Variants in TBL1XR1 observed in about 807,000 individuals in gnomAD.
TBL1XR1 encodes TBL1X/Y related 1, also known as F-box-like/WD repeat-containing protein TBL1XR1.
TBL1XR1 carries 5 observed loss-of-function variants against 66.9 expected under a neutral mutation model. The ratio of observed to expected loss-of-function variants is 0.07; its 90% CI spans 0.04 to 0.16. The LOEUF is 0.16. Among genes scored for constraint, TBL1XR1 ranks in the 10% least tolerant of loss-of-function variants. The pLI is 1.00. For missense variants in TBL1XR1, 238 were observed against 623.2 expected, an observed-to-expected ratio of 0.38 and a Z score of 6.58; for synonymous variants, 210 against 206.0, an observed-to-expected ratio of 1.02 and a Z score of -0.17.
At chr3:177,112,107 A>ATATATATATATTTTTT in intron 1 of TBL1XR1, among the ~76,000 whole-genome samples, 2 of 37,648 alleles carry the variant, frequency 5.3e-5, no homozygotes, top group African/African-American at 1.3e-4. Context: ...ATATATATAT[A>ATATATATATATTTTTT]TTTTTTTTTT....
At chr3:177,077,062 C>T (rs913981552) in intron 2 of TBL1XR1, among the ~76,000 whole-genome samples, 1 of 152,118 alleles carries the variant, frequency 6.6e-6, no homozygotes, top group Non-Finnish European at 1.5e-5. Context: ...TGGAAGAGAG[C>T]CACAGTCAAC....
intron 3 of TBL1XR1, among the ~76,000 whole-genome samples, chr3:177,059,955 C>G (rs1196494580): frequency 6.6e-6 from 1 of 152,170 alleles, no homozygotes; most frequent in Non-Finnish European, 1.5e-5. Flanking sequence ...GCTTCCTGCC[C>G]TCGAACATCA....
chr3:177,104,129 A>AGAAGAGAG, intron 1 of TBL1XR1, among the ~76,000 whole-genome samples: 1 of 141,240 alleles, frequency 7.1e-6, no homozygotes, highest in South Asian at 2.2e-4. Flanking sequence ...AAAAAAAAAA[A>AGAAGAGAG]AGAGAGAGAG....
intron 1 of TBL1XR1, among the ~76,000 whole-genome samples, chr3:177,153,403 A>G (rs114584803): frequency 1.4e-3 from 218 of 152,298 alleles, no homozygotes; most frequent in African/African-American, 5.1e-3. Context: ...CACATATAAG[A>G]CTTTTCATTT....
chr3:177,194,815 C>CA (rs1273301177), intron 1 of TBL1XR1, among the ~76,000 whole-genome samples: 2 of 152,118 alleles, frequency 1.3e-5, no homozygotes, highest in African/African-American at 4.8e-5. Context: ...ATACAAATAT[C>CA]AAAAAGATTC....
At chr3:177,196,482 C>T (rs1246236768) in intron 1 of TBL1XR1, 3 of 148,908 alleles carry the variant, frequency 2.0e-5, no homozygotes, top group African/African-American at 7.3e-5. Flanking sequence ...GCCGCGCGCC[C>T]CTCCCCCGGC....
chr3:177,084,089 AAAAAAAAAAAAAAG>A (rs1560155766), intron 2 of TBL1XR1, among the ~76,000 whole-genome samples: 1 of 139,262 alleles, frequency 7.2e-6, no homozygotes, highest in East Asian at 2.2e-4. Context: ...CTCCGTCTCA[AAAAAAAAAAAAAAG>A]AAAAAAGAAA....
At chr3:177,117,467 CTAAAATTTCCCTTT>C (rs777785927) in intron 1 of TBL1XR1, among the ~76,000 whole-genome samples, 8 of 152,144 alleles carry the variant, frequency 5.3e-5, no homozygotes, top group Admixed American at 1.3e-4. Flanking sequence ...TCTGCACAGT[CTAAAATTTCCCTTT>C]TAGATATGAC....
At chr3:177,098,445 T>C (rs780116725) in intron 2 of TBL1XR1, 21 bp downstream of exon 2, 331 of 980,390 alleles carry the variant, frequency 3.4e-4, no homozygotes, top group Non-Finnish European at 3.8e-4. Flanking sequence ...AACACTGACA[T>C]TGGGAGTTGG....
upstream of TBL1XR1, among the ~76,000 whole-genome samples, chr3:177,198,108 C>T (rs1175779554): frequency 1.3e-5 from 2 of 152,138 alleles, no homozygotes; most frequent in Non-Finnish European, 2.9e-5. Flanking sequence ...CTGTGAACAC[C>T]TTTGTGTGCG....
At chr3:177,102,561 G>C (rs995495821) in intron 1 of TBL1XR1, among the ~76,000 whole-genome samples, 62 of 152,186 alleles carry the variant, frequency 4.1e-4, no homozygotes, top group Non-Finnish European at 2.4e-4. Context: ...AAGATAGTCT[G>C]ACAATGTATA....
At chr3:177,031,340 AT>A (rs1260157005) in intron 14 of TBL1XR1, among the ~76,000 whole-genome samples, 133 of 145,154 alleles carry the variant, frequency 9.2e-4, no homozygotes, top group South Asian at 3.3e-3. Context: ...CTTAATTTTT[AT>A]TTTTTTTTTT....
intron 1 of TBL1XR1, among the ~76,000 whole-genome samples, chr3:177,154,246 T>C (rs1338323144): frequency 6.6e-6 from 1 of 152,138 alleles, no homozygotes; most frequent in Non-Finnish European, 1.5e-5. Context: ...AATCTGATTA[T>C]TAATACATTA....
rs896391104 is a variant in TBL1XR1, at chr3:177,100,582, G to A, written c.-121-2041C>T. Among the ~76,000 whole-genome samples, 3 of 151,982 alleles carry A rather than the reference G, an allele frequency of 2.0e-5. 1 individual carries two copies. The highest frequency in any genetic ancestry group is 2.0e-4 in the Admixed American group (3 of 15,260). The stretch of plus-strand genomic sequence containing the variant: ...TGGCACTACAGGTACAAGCCACCAC[G>A]CCTGGCCAATTTTGGTATTTTTAGT... On this transcript the variant is annotated intron_variant, in intron 1 of 15. Transcript: ENST00000457928.
At chr3:177,098,423 A>T (rs1364479911) in intron 2 of TBL1XR1, 43 bp downstream of exon 2, 3 of 959,404 alleles carry the variant, frequency 3.1e-6, no homozygotes, top group Non-Finnish European at 3.7e-6. Flanking sequence ...TTCTAAAAAC[A>T]AGAGAATAAG....
At chr3:177,174,185 G>A (rs1009919009) in intron 1 of TBL1XR1, among the ~76,000 whole-genome samples, 6 of 151,918 alleles carry the variant, frequency 3.9e-5, no homozygotes, top group African/African-American at 9.7e-5. Context: ...AGGCCAAGGC[G>A]GATCACGAGG....
At chr3:177,138,558 T>G (rs916757886) in intron 1 of TBL1XR1, among the ~76,000 whole-genome samples, 4 of 151,404 alleles carry the variant, frequency 2.6e-5, no homozygotes, top group Non-Finnish European at 5.9e-5. Flanking sequence ...ATCACTGTAC[T>G]CCCAGCCTGG....
chr3:177,185,948 G>A (rs1248853694), intron 1 of TBL1XR1, among the ~76,000 whole-genome samples: 1 of 152,098 alleles, frequency 6.6e-6, no homozygotes, highest in Non-Finnish European at 1.5e-5. Context: ...GAGTTGGAGG[G>A]TAAAGTGAGC....
rs1262138570 is a variant in TBL1XR1, at chr3:177,143,776, T to TA, written c.-121-45236dup. 8.0e-4 allele frequency among the ~76,000 whole-genome samples: 122 copies of TA among 152,346 alleles called. No homozygotes were observed. In the South Asian group the frequency reaches 0.023, roughly 29 times the overall value. ...CTAATTATATAAGATGGGTCTCTGA[T>TA]AGTTCATTCAGGCTCTAACAGAATT... On this transcript the variant is annotated intron_variant, in intron 1 of 15. Coordinates refer to ENST00000457928, the MANE Select transcript of TBL1XR1 (RefSeq NM_024665.7).
Sources: allele counts gnomAD v4.1 joint callset (sites outside exome capture counted in the v4.1 genomes callset), GRCh38; gene constraint gnomAD v4.1.1; transcripts MANE v1.5; gene names NCBI Gene and HGNC (gene_info 2026-07-23, HGNC 2026-07-21).